Variants in SUSD1 observed in about 807,000 individuals in gnomAD.
The protein encoded by SUSD1 is sushi domain containing 1, also known as sushi domain-containing protein 1.
A neutral mutation model predicts 86.9 loss-of-function variants in SUSD1; 65 were observed. That is an observed-to-expected ratio of 0.75 (90% CI 0.61 to 0.92). The LOEUF (loss-of-function observed/expected upper bound fraction) is 0.92, where lower values mean the gene tolerates loss of function less well. Among genes scored for constraint, SUSD1 ranks in the 40% least tolerant of loss-of-function variants. SUSD1 has a pLI of 0.00. For missense variants in SUSD1, 850 were observed against 929.7 expected, an observed-to-expected ratio of 0.91 and a Z score of 1.11; for synonymous variants, 346 against 350.0, an observed-to-expected ratio of 0.99 and a Z score of 0.13.
rs1045098835 is a variant in SUSD1, at chr9:112,175,085, A to AGCCGGGGGCCCC, written c.103+36_103+47dup. ...CGTGCGCCCAGAGTCCTCGAGGCCC[A>AGCCGGGGGCCCC]GCCGGGGGCCCCGCCGGCCGCCCGT... On this transcript the variant is annotated intron_variant, in intron 1 of 16. Transcript: ENST00000374270. The surrounding 1 kb of genome is among the most constrained non-coding windows in gnomAD (Gnocchi z 4.7). 2.0e-5 allele frequency: 20 copies of AGCCGGGGGCCCC among 1,000,754 alleles called. No homozygotes were observed. The highest frequency in any genetic ancestry group is 6.0e-5 in the Admixed American group (1 of 16,680). The allele number at this position is 1,000,754 out of a possible 1,614,324, so 62.0% of individuals were successfully genotyped here.
chr9:112,056,491 AT>A (rs1376042231), intron 14 of SUSD1, among the ~76,000 whole-genome samples: 3 of 152,370 alleles, frequency 2.0e-5, no homozygotes, highest in South Asian at 2.1e-4. Flanking sequence ...AAAAATTAAA[AT>A]TAAATCACTA....
chr9:112,070,344 A>G, intron 12 of SUSD1, among the ~76,000 whole-genome samples: 1 of 152,110 alleles, frequency 6.6e-6, no homozygotes. Flanking sequence ...TTTTCTCTCC[A>G]ATGTACAAGC....
chr9:112,086,475 C>T (rs963431284), intron 10 of SUSD1, among the ~76,000 whole-genome samples: 13 of 149,324 alleles, frequency 8.7e-5, no homozygotes, highest in African/African-American at 3.2e-4. Context: ...GGTTCACTCC[C>T]AGCAAGAGAA....
At chr9:112,042,266 G>A in intron 15 of SUSD1, 1 of 1,034,550 alleles carries the variant, frequency 9.7e-7, no homozygotes, top group Non-Finnish European at 1.4e-6. Flanking sequence ...TACATTTTTT[G>A]TTGGTCCTCT....
At chr9:112,134,137 A>C (rs1351791250) in intron 5 of SUSD1, among the ~76,000 whole-genome samples, 1 of 152,270 alleles carries the variant, frequency 6.6e-6, no homozygotes, top group African/African-American at 2.4e-5. Flanking sequence ...TAGTTCAGCC[A>C]CTGTGGAAAG....
intron 6 of SUSD1, among the ~76,000 whole-genome samples, chr9:112,121,795 C>G (rs915201997): frequency 6.6e-6 from 1 of 152,206 alleles, no homozygotes; most frequent in Non-Finnish European, 1.5e-5. Flanking sequence ...TTCCCAGGGA[C>G]TATGTGACAA....
intron 1 of SUSD1, chr9:112,173,579 A>C: frequency 2.6e-6 from 1 of 378,698 alleles, no homozygotes; most frequent in Admixed American, 3.1e-5. Context: ...CTGGAACTGA[A>C]GCTGGAGCTG....
At chr9:112,078,431 A>T in intron 12 of SUSD1, 107 bp downstream of exon 12, 3 of 1,118,790 alleles carry the variant, frequency 2.7e-6, no homozygotes, top group African/African-American at 1.6e-5. Context: ...TCTCCCTGTT[A>T]AAGTTCATTA....
chr9:112,142,772 C>A (rs978931299), intron 4 of SUSD1, among the ~76,000 whole-genome samples: 1 of 151,912 alleles, frequency 6.6e-6, no homozygotes, highest in Non-Finnish European at 1.5e-5. Flanking sequence ...TAAAGAGAAG[C>A]CTTGTCCAGT....
intron 15 of SUSD1, among the ~76,000 whole-genome samples, chr9:112,050,963 G>A (rs1458932854): frequency 6.6e-6 from 1 of 152,170 alleles, no homozygotes; most frequent in Non-Finnish European, 1.5e-5. Context: ...CTAAGGAAAG[G>A]CTTTGGAGGA....
chr9:112,165,713 A>C (rs1332298310), intron 1 of SUSD1, among the ~76,000 whole-genome samples: 1 of 151,556 alleles, frequency 6.6e-6, no homozygotes, highest in African/African-American at 2.4e-5. Context: ...CCTGGCATAC[A>C]CTTCATTCTT....
chr9:112,073,914 G>T (rs948614795), intron 12 of SUSD1, among the ~76,000 whole-genome samples: 29 of 151,844 alleles, frequency 1.9e-4, no homozygotes, highest in African/African-American at 6.8e-4. Context: ...AAAAGAAAGG[G>T]AAAGGGAAAG....
chr9:112,066,072 C>A (rs1226415512), intron 12 of SUSD1, among the ~76,000 whole-genome samples: 1 of 152,198 alleles, frequency 6.6e-6, no homozygotes, highest in Non-Finnish European at 1.5e-5. Flanking sequence ...CACTAGAAGA[C>A]GGCCGGCCGA....
At chr9:112,091,780 C>A (rs183209594) in intron 10 of SUSD1, among the ~76,000 whole-genome samples, 1 of 152,114 alleles carries the variant, frequency 6.6e-6, no homozygotes, top group East Asian at 1.9e-4. Flanking sequence ...TTAAAGAGGG[C>A]AACAAGATAT....
chr9:112,064,877 G>GAAAA (rs558673175), intron 12 of SUSD1, among the ~76,000 whole-genome samples: 1 of 88,006 alleles, frequency 1.1e-5, no homozygotes, highest in Non-Finnish European at 2.3e-5. Context: ...CTCTGTCTCA[G>GAAAA]AAAAAAAAAA....
chr9:112,055,818 T>C (rs1174885448), intron 14 of SUSD1, among the ~76,000 whole-genome samples: 1 of 152,222 alleles, frequency 6.6e-6, no homozygotes, highest in African/African-American at 2.4e-5. Context: ...GGAATATTAT[T>C]CAGTCTTAAA....
Position 112,172,190 on chromosome 9 carries a change from C to A in SUSD1, c.103+2943G>T, listed in dbSNP as rs566295784. On this transcript the variant is annotated intron_variant, in intron 1 of 16. Coordinates refer to ENST00000374270, the MANE Select transcript of SUSD1 (RefSeq NM_022486.5). ...ATCCAGCCTGGGCGACAGAGTGAGA[C>A]TGTCTCAAAAAAAAAAAAAAAGAGT... Among the ~76,000 whole-genome samples the A allele has an allele frequency of 2.0e-4, 15 of 75,952 alleles. No homozygotes were observed. In the South Asian group the frequency reaches 6.4e-3, roughly 32 times the overall value. The allele number at this position is 75,952 out of a possible 152,430, so 49.8% of individuals were successfully genotyped here. A position where few individuals can be genotyped will look rare whatever the true frequency, so the allele number is the denominator to read the frequency against.
intron 14 of SUSD1, among the ~76,000 whole-genome samples, chr9:112,053,105 G>A (rs116037091): frequency 0.014 from 2,165 of 152,220 alleles, 52 homozygotes; most frequent in African/African-American, 0.049. Context: ...GAAGCTGCAC[G>A]GTGAGGGTTA....
rs61400678 is a variant in SUSD1, at chr9:112,068,824, G to T, written c.1754-5791C>A. Among the ~76,000 whole-genome samples the T allele has an allele frequency of 6.4e-3, 974 of 152,314 alleles. 15 individuals are homozygous for T. The highest frequency in any genetic ancestry group is 0.022 in the African/African-American group (920 of 41,564). ...TTGTCCAATAATCCAGGTCGGAAGT[G>T]CTCGAGGTCTGCTGCAAGTGAGAGC... On this transcript the variant is annotated intron_variant, in intron 12 of 16. Transcript: ENST00000374270.
Sources: allele counts gnomAD v4.1 joint callset (sites outside exome capture counted in the v4.1 genomes callset), GRCh38; gene constraint gnomAD v4.1.1; non-coding constraint Gnocchi (gnomAD v3.1); transcripts MANE v1.5; gene names NCBI Gene and HGNC (gene_info 2026-07-23, HGNC 2026-07-21).